Variants in NELL1 observed in about 807,000 individuals in gnomAD.
The protein encoded by NELL1 is neural EGFL like 1.
In NELL1, 76 loss-of-function variants were observed where a neutral mutation model predicts 107.4. That is an observed-to-expected ratio of 0.71 (90% CI 0.59 to 0.86). The LOEUF is 0.86. Among genes scored for constraint, NELL1 ranks in the 40% least tolerant of loss-of-function variants. The pLI, the probability that NELL1 is intolerant of heterozygous loss-of-function variation, is 0.00. For missense variants in NELL1, 1,024 were observed against 1,005.5 expected (o/e 1.02, Z -0.25); for synonymous variants, 353 against 341.2 (o/e 1.03, Z -0.38).
intron 14 of NELL1, among the ~76,000 whole-genome samples, chr11:21,353,419 G>T (rs1487957567): frequency 6.6e-6 from 1 of 152,188 alleles, no homozygotes; most frequent in Non-Finnish European, 1.5e-5. Context: ...CACACAGGTG[G>T]TGATTAAATC....
intron 3 of NELL1, among the ~76,000 whole-genome samples, chr11:20,828,901 G>A (rs992270444): frequency 6.6e-6 from 1 of 152,128 alleles, no homozygotes; most frequent in Non-Finnish European, 1.5e-5. Flanking sequence ...TGAGAACCAT[G>A]AGCCAAGATT....
At position 20,911,942 on chromosome 11, in the gene NELL1, G is replaced by T. The variant is rs535492783; in HGVS notation, c.604-6240G>T. On this transcript the variant is annotated intron_variant, in intron 5 of 19. Coordinates refer to ENST00000357134, the MANE Select transcript of NELL1 (RefSeq NM_006157.5). ...CTACAAAAATCTCCCTGAAAAAGAG[G>T]CAGCCACTTCTCAGGTGAGAGTCAG... Among the ~76,000 whole-genome samples, 7 of 152,238 alleles carry T rather than the reference G, an allele frequency of 4.6e-5. No individual in the cohort carries two copies. The South Asian group carries it at 1.2e-3, about 27-fold the overall frequency.
intron 1 of NELL1, among the ~76,000 whole-genome samples, chr11:20,674,822 T>C (rs1854012078): frequency 6.6e-6 from 1 of 152,180 alleles, no homozygotes; most frequent in Non-Finnish European, 1.5e-5. Context: ...CCTTGCCCAA[T>C]TAATTGCAGG....
intron 15 of NELL1, among the ~76,000 whole-genome samples, chr11:21,488,992 G>A (rs1205548785): frequency 6.6e-6 from 1 of 151,682 alleles, no homozygotes; most frequent in African/African-American, 2.4e-5. Flanking sequence ...AAGAATCAAT[G>A]AATAGCTCGT....
chr11:21,173,209 C>T (rs1856643645), intron 13 of NELL1, among the ~76,000 whole-genome samples: 1 of 151,682 alleles, frequency 6.6e-6, no homozygotes, highest in African/African-American at 2.4e-5. Context: ...TCCAGGCATC[C>T]TCATTTAAAA....
At chr11:20,688,590 C>A (rs1453190896) in intron 2 of NELL1, among the ~76,000 whole-genome samples, 2 of 152,044 alleles carry the variant, frequency 1.3e-5, no homozygotes, top group Non-Finnish European at 2.9e-5. Context: ...GTGTGATATT[C>A]CTTGGTATAT....
chr11:21,460,641 T>C lies in NELL1; in HGVS notation c.1646-73733T>C, dbSNP rs887044963. The stretch of plus-strand genomic sequence containing the variant: ...ATTTTAAGAATAAACTGGGGATAAA[T>C]TTGGCTATTTTCTCCAATTCTTAGC... On this transcript the variant is annotated intron_variant, in intron 15 of 19. Coordinates refer to ENST00000357134, the MANE Select transcript of NELL1 (RefSeq NM_006157.5). Among the ~76,000 whole-genome samples, 188 of 152,188 alleles carry C rather than the reference T, an allele frequency of 1.2e-3. No homozygotes were observed. In the Middle Eastern group the frequency reaches 0.014, roughly 11 times the overall value.
chr11:20,755,559 T>TTTTTTTTTTATTTA (rs1337491294), intron 2 of NELL1, among the ~76,000 whole-genome samples: 2 of 17,666 alleles, frequency 1.1e-4, no homozygotes, highest in East Asian at 1.2e-3. Context: ...TGTTTTTGTT[T>TTTTTTTTTTATTTA]TTGTTTTTTT....
intron 5 of NELL1, among the ~76,000 whole-genome samples, chr11:20,888,840 G>T (rs1182208409): frequency 6.6e-6 from 1 of 152,152 alleles, no homozygotes; most frequent in African/African-American, 2.4e-5. Flanking sequence ...GCTGGCTGTT[G>T]ACTCTTGTTC....
intron 13 of NELL1, among the ~76,000 whole-genome samples, chr11:21,173,255 T>G (rs1421095574): frequency 6.6e-6 from 1 of 151,688 alleles, no homozygotes; most frequent in Non-Finnish European, 1.5e-5. Context: ...GGGGGTAAAT[T>G]TCAAGCTTGA....
At chr11:21,120,550 G>T (rs1408354787) in intron 13 of NELL1, among the ~76,000 whole-genome samples, 1 of 152,038 alleles carries the variant, frequency 6.6e-6, no homozygotes, top group Non-Finnish European at 1.5e-5. Flanking sequence ...TTTACCGTAG[G>T]CTGTGTGGCA....
intron 15 of NELL1, among the ~76,000 whole-genome samples, chr11:21,418,126 G>T (rs564512818): frequency 6.6e-6 from 1 of 151,970 alleles, no homozygotes; most frequent in African/African-American, 2.4e-5. Flanking sequence ...TTCAACAGGG[G>T]TTTACTGAAC....
intron 13 of NELL1, among the ~76,000 whole-genome samples, chr11:21,223,445 G>A (rs1374056464): frequency 1.3e-5 from 2 of 151,806 alleles, no homozygotes; most frequent in East Asian, 3.9e-4. Context: ...ACTTTTAGAT[G>A]GTGTGTGTTT....
At chr11:21,307,611 A>G (rs1254745962) in intron 14 of NELL1, among the ~76,000 whole-genome samples, 2 of 151,970 alleles carry the variant, frequency 1.3e-5, no homozygotes, top group African/African-American at 4.8e-5. Context: ...GATATTCTGG[A>G]TATTCTGCCC....
chr11:21,147,082 T>C (rs1027527227), intron 13 of NELL1, among the ~76,000 whole-genome samples: 2 of 152,186 alleles, frequency 1.3e-5, no homozygotes, highest in African/African-American at 4.8e-5. Context: ...ATCATGGCAC[T>C]GAGAGATTCC....
At chr11:20,808,592 G>A (rs79139658) in intron 3 of NELL1, among the ~76,000 whole-genome samples, 11,320 of 152,252 alleles carry the variant, frequency 0.074, 484 homozygotes, top group Middle Eastern at 0.18. Context: ...ACTTGCCTAC[G>A]AGTTGCAGTC....
chr11:21,019,565 A>G (rs756690087), intron 12 of NELL1, among the ~76,000 whole-genome samples: 1 of 152,046 alleles, frequency 6.6e-6, no homozygotes, highest in South Asian at 2.1e-4. Flanking sequence ...ATGTCTGAAG[A>G]CATTTTTTCC....
At chr11:20,893,846 T>G (rs1202007059) in intron 5 of NELL1, among the ~76,000 whole-genome samples, 5 of 100,144 alleles carry the variant, frequency 5.0e-5, no homozygotes, top group Non-Finnish European at 9.6e-5. Context: ...ATGTTGATAG[T>G]GAGGTAGTTA....
intron 12 of NELL1, among the ~76,000 whole-genome samples, chr11:20,995,789 A>G (rs1156554284): frequency 6.6e-6 from 1 of 152,132 alleles, no homozygotes; most frequent in East Asian, 1.9e-4. Context: ...AAAGAGTAAG[A>G]CATGATCTCT....
Sources: allele counts gnomAD v4.1 joint callset (sites outside exome capture counted in the v4.1 genomes callset), GRCh38; gene constraint gnomAD v4.1.1; transcripts MANE v1.5; gene names NCBI Gene and HGNC (gene_info 2026-07-23, HGNC 2026-07-21).